RAD51C: variants seen among roughly 807,000 people sequenced by gnomAD.
The protein encoded by RAD51C is DNA repair protein RAD51 homolog 3.
RAD51C carries 42 observed loss-of-function variants against 45.0 expected under a neutral mutation model. The observed-to-expected ratio is 0.93, with a 90% CI of 0.73 to 1.21. The LOEUF is 1.21. Among genes scored for constraint, RAD51C ranks in the 50% most tolerant of loss-of-function variants. The probability of loss-of-function intolerance (pLI) is 0.00; values close to 1 mark genes in which losing one functional copy is unlikely to be tolerated. For synonymous variants in RAD51C, 172 were observed against 159.8 expected (o/e 1.08, Z -0.58); for missense variants, 474 against 452.2 (o/e 1.05, Z -0.44).
intron 3 of RAD51C, among the ~76,000 whole-genome samples, chr17:58,700,993 GCT>G (rs560726617): frequency 6.6e-6 from 1 of 152,168 alleles, no homozygotes; most frequent in South Asian, 2.1e-4. Flanking sequence ...ACCTCCCTGG[GCT>G]CAGGTGATCC....
intron 7 of RAD51C, among the ~76,000 whole-genome samples, chr17:58,725,998 C>CA (rs1329097091): frequency 0.055 from 2,650 of 48,098 alleles, 48 homozygotes; most frequent in African/African-American, 0.12. Context: ...CCACCCCCTG[C>CA]AAAAAAAAAA....
intron 1 of RAD51C, chr17:58,694,459 G>A (rs2047916867): frequency 6.0e-6 from 1 of 166,964 alleles, no homozygotes; most frequent in South Asian, 1.4e-4. Context: ...CTAAGAAAAC[G>A]AATACCTTTA....
At chr17:58,727,365 C>A (rs140362750) in intron 7 of RAD51C, among the ~76,000 whole-genome samples, 1,736 of 151,862 alleles carry the variant, frequency 0.011, 13 homozygotes, top group Middle Eastern at 0.041. Context: ...GTCAGGTGAC[C>A]TGCCCACCTC....
At position 58,730,877 on chromosome 17, in the gene RAD51C, C is replaced by G. The variant is rs28666461; in HGVS notation, c.966-1607C>G. On this transcript the variant is annotated intron_variant, in intron 7 of 8. Coordinates refer to ENST00000337432, the MANE Select transcript of RAD51C (RefSeq NM_058216.3). ...ATTCATATTGTGCAGCCATCATCAT[C>G]CATTTTCAGACCTTTTTCATCTTCC... 9.2e-4 allele frequency among the ~76,000 whole-genome samples: 140 copies of G among 152,282 alleles called. 1 individual carries two copies. The highest frequency in any genetic ancestry group is 3.2e-3 in the African/African-American group (134 of 41,572).
At chr17:58,701,513 A>C (rs531349567) in intron 3 of RAD51C, among the ~76,000 whole-genome samples, 2 of 151,670 alleles carry the variant, frequency 1.3e-5, no homozygotes, top group African/African-American at 4.8e-5. Context: ...GTCTCAAAAA[A>C]ATGAAAAAGA....
intron 4 of RAD51C, among the ~76,000 whole-genome samples, chr17:58,704,760 C>G (rs1322070268): frequency 6.6e-6 from 1 of 151,964 alleles, no homozygotes; most frequent in Non-Finnish European, 1.5e-5. Flanking sequence ...GAACACATAT[C>G]GCCCTTCAGA....
chr17:58,701,993 ATTTTT>A, intron 3 of RAD51C, among the ~76,000 whole-genome samples: 1 of 140,390 alleles, frequency 7.1e-6, no homozygotes, highest in South Asian at 2.2e-4. Context: ...ACTGTGTTTT[ATTTTT>A]TTGTTTTTTT....
intron 4 of RAD51C, among the ~76,000 whole-genome samples, chr17:58,704,365 C>T (rs954497469): frequency 1.3e-5 from 2 of 151,150 alleles, no homozygotes; most frequent in Non-Finnish European, 2.9e-5. Flanking sequence ...CTCTGCTTCC[C>T]GGGTTAAGGC....
chr17:58,716,242 T>C, intron 5 of RAD51C, among the ~76,000 whole-genome samples: 1 of 152,186 alleles, frequency 6.6e-6, no homozygotes, highest in Non-Finnish European at 1.5e-5. Context: ...ATGGAAATTC[T>C]AATTTTGGCA....
At chr17:58,702,647 C>T (rs538254284) in intron 3 of RAD51C, among the ~76,000 whole-genome samples, 8 of 150,390 alleles carry the variant, frequency 5.3e-5, no homozygotes, top group South Asian at 4.2e-4. Context: ...GTGCCAAGAT[C>T]GCATCACTGC....
Position 58,692,620 on chromosome 17 carries a change from C to T in RAD51C, c.-24C>T, listed in dbSNP as rs181444396. ...CGAGGGCGTGCGGAGTTTGGCTGCT[C>T]CGGGGTTAGCAGGTGAGCCTGCGAT... On this transcript the variant is annotated 5_prime_UTR_variant, in exon 1 of 9. Transcript: ENST00000337432. 3 of 1,613,266 alleles carry T rather than the reference C, an allele frequency of 1.9e-6. No homozygotes were observed. Among genetic ancestry groups the T allele is most frequent in the Non-Finnish European group, 2.5e-6 (3 of 1,180,014 alleles).
rs145100620 is a variant in RAD51C, at chr17:58,708,147, A to G, written c.706-1712A>G. Among the ~76,000 whole-genome samples, 7 of 152,312 alleles carry G rather than the reference A, an allele frequency of 4.6e-5. No homozygotes were observed. In the East Asian group the frequency reaches 1.3e-3, roughly 29 times the overall value. On this transcript the variant is annotated intron_variant, in intron 4 of 8. Transcript: ENST00000337432. ...TTCCCAGCTGACGTTGAACAAGGTCATGTTCTGCCTTTTTATTTCAGCTCT... is the reference window on the plus strand; with the variant it reads ...TTCCCAGCTGACGTTGAACAAGGTCGTGTTCTGCCTTTTTATTTCAGCTCT...
Position 58,724,105 on chromosome 17 carries a change from G to A in RAD51C, c.965+5G>A, listed in dbSNP as rs774586107. 1.2e-6 allele frequency: 2 copies of A among 1,608,368 alleles called. No individual in the cohort carries two copies. The highest frequency in any genetic ancestry group is 1.7e-6 in the Non-Finnish European group (2 of 1,174,878). On this transcript the variant is annotated splice_donor_5th_base_variant and intron_variant, in intron 7 of 8. Coordinates refer to ENST00000337432, the MANE Select transcript of RAD51C (RefSeq NM_058216.3). ...TCATTGGGACCGAAAGCAAAGGTCA[G>A]TACAGAAACAAGTTAATAACTCCGA...
chr17:58,710,005 G>A lies in RAD51C; in HGVS notation c.837+15G>A, dbSNP rs2143855400. Reference sequence around the variant, plus strand: ...ACAGATTAGCTGTAAGTATTAACTAGTGAAGAGAGTTTTATAACAAAGTCA... The same window carrying A: ...ACAGATTAGCTGTAAGTATTAACTAATGAAGAGAGTTTTATAACAAAGTCA... On this transcript the variant is annotated intron_variant, in intron 5 of 8. Transcript: ENST00000337432. 1 of 1,605,864 alleles carries A rather than the reference G, an allele frequency of 6.2e-7. No individual in the cohort carries two copies. Among genetic ancestry groups the A allele is most frequent in the Non-Finnish European group, 8.5e-7 (1 of 1,172,710 alleles).
intron 7 of RAD51C, among the ~76,000 whole-genome samples, chr17:58,728,152 G>A (rs2049246299): frequency 6.6e-6 from 1 of 151,232 alleles, no homozygotes; most frequent in South Asian, 2.1e-4. Flanking sequence ...GGCTGAGGTA[G>A]GAGAATCACT....
chr17:58,726,650 G>T (rs76287771), intron 7 of RAD51C, among the ~76,000 whole-genome samples: 3 of 150,552 alleles, frequency 2.0e-5, no homozygotes, highest in Admixed American at 2.0e-4. Flanking sequence ...ATACGTATAC[G>T]TATAGATGTA....
chr17:58,711,203 C>T (rs2048546078), intron 5 of RAD51C, among the ~76,000 whole-genome samples: 1 of 152,092 alleles, frequency 6.6e-6, no homozygotes, highest in Non-Finnish European at 1.5e-5. Context: ...ATGTTTTTAA[C>T]AGAAATAGCT....
At chr17:58,724,176 G>T in intron 7 of RAD51C, 76 bp downstream of exon 7, 1 of 1,417,052 alleles carries the variant, frequency 7.1e-7, no homozygotes, top group Non-Finnish European at 9.9e-7. Flanking sequence ...GTTTCTTAGA[G>T]CTAGTCCTGT....
chr17:58,706,330 G>A (rs1316081242), intron 4 of RAD51C, among the ~76,000 whole-genome samples: 3 of 152,136 alleles, frequency 2.0e-5, no homozygotes, highest in South Asian at 4.1e-4. Context: ...GGGAGGCTGA[G>A]GCAGAAGAAT....
Sources: gnomAD v4.1 joint callset for allele counts (sites outside exome capture counted in the v4.1 genomes callset) on GRCh38, gnomAD v4.1.1 for gene constraint, MANE v1.5 for transcripts, NCBI Gene and HGNC (gene_info 2026-07-23, HGNC 2026-07-21) for gene names.